Variants in TMEM217B observed in about 807,000 individuals in gnomAD.
TMEM217B encodes transmembrane protein 217B.
the TMEM217B span, among the ~76,000 whole-genome samples, chr6:37,226,813 G>T: frequency 2.0e-5 from 3 of 151,948 alleles, no homozygotes; most frequent in Admixed American, 6.6e-5. Flanking sequence ...TGATCCATCT[G>T]CCTTGGCCTC....
the TMEM217B span, among the ~76,000 whole-genome samples, chr6:37,234,163 G>C: frequency 2.3e-4 from 34 of 149,230 alleles, no homozygotes; most frequent in East Asian, 6.7e-3. Context: ...GCAGTGGTGT[G>C]ATCTTGGCTC....
chr6:37,248,938 T>C, the TMEM217B span, among the ~76,000 whole-genome samples: 1 of 152,226 alleles, frequency 6.6e-6, no homozygotes. Context: ...AGAGAATCCT[T>C]TCCTGACCCT....
At chr6:37,250,880 G>A in the TMEM217B span, among the ~76,000 whole-genome samples, 2 of 152,238 alleles carry the variant, frequency 1.3e-5, no homozygotes, top group African/African-American at 2.4e-5. Flanking sequence ...GCTATGGAGT[G>A]TTTGTGTCCT....
At chr6:37,216,071 TTTTATTTA>T in the TMEM217B span, among the ~76,000 whole-genome samples, 1 of 151,886 alleles carries the variant, frequency 6.6e-6, no homozygotes, top group East Asian at 1.9e-4. Flanking sequence ...CAGATTTGAA[TTTTATTTA>T]TTTATTTATT....
chr6:37,252,054 C>T, the TMEM217B span, among the ~76,000 whole-genome samples: 1 of 152,114 alleles, frequency 6.6e-6, no homozygotes. Context: ...CCACCATGCC[C>T]AGCTAATTTT....
the TMEM217B span, among the ~76,000 whole-genome samples, chr6:37,219,704 C>A: frequency 6.6e-6 from 1 of 152,106 alleles, no homozygotes; most frequent in African/African-American, 2.4e-5. Context: ...TGCACTCCAT[C>A]CTGGGTGACA....
chr6:37,251,418 T>C, the TMEM217B span, among the ~76,000 whole-genome samples: 1 of 139,980 alleles, frequency 7.1e-6, no homozygotes, highest in Non-Finnish European at 1.6e-5. Flanking sequence ...GTATAAAGAA[T>C]GTTGAATGAG....
the TMEM217B span, chr6:37,257,901 T>G: frequency 6.2e-7 from 1 of 1,612,996 alleles, no homozygotes; most frequent in South Asian, 1.1e-5. Context: ...CTACAAGGAC[T>G]TCCCCCGGCC....
the TMEM217B span, among the ~76,000 whole-genome samples, chr6:37,224,490 C>G: frequency 6.6e-6 from 1 of 151,474 alleles, no homozygotes; most frequent in Non-Finnish European, 1.5e-5. Flanking sequence ...CCCAGCTACT[C>G]GGGAGGCTGA....
chr6:37,238,443 A>T, the TMEM217B span, among the ~76,000 whole-genome samples: 1 of 152,146 alleles, frequency 6.6e-6, no homozygotes, highest in Non-Finnish European at 1.5e-5. Flanking sequence ...TTGCTACCAG[A>T]AGTCTGCTTT....
the TMEM217B span, chr6:37,218,931 G>A: frequency 6.2e-7 from 1 of 1,614,176 alleles, no homozygotes. Flanking sequence ...AGGTGCTTCT[G>A]TTCAAAGATG....
the TMEM217B span, among the ~76,000 whole-genome samples, chr6:37,231,734 A>G: frequency 6.8e-6 from 1 of 147,288 alleles, no homozygotes; most frequent in Non-Finnish European, 1.5e-5. Context: ...TCTTTTATAT[A>G]TATATTATAT....
chr6:37,213,836 C>G, the TMEM217B span, among the ~76,000 whole-genome samples: 1 of 152,250 alleles, frequency 6.6e-6, no homozygotes, highest in Non-Finnish European at 1.5e-5. Flanking sequence ...CAGAGGACTC[C>G]TGAGCAAACC....
chr6:37,244,867 G>T, the TMEM217B span, among the ~76,000 whole-genome samples: 1 of 152,186 alleles, frequency 6.6e-6, no homozygotes, highest in Admixed American at 6.5e-5. Context: ...TTTTGGCTCA[G>T]CTAATTCATA....
chr6:37,216,761 G>A, the TMEM217B span, among the ~76,000 whole-genome samples: 64 of 152,132 alleles, frequency 4.2e-4, no homozygotes, highest in Non-Finnish European at 6.3e-4. Flanking sequence ...TTTAGGAGGT[G>A]ATTGAATCAT....
the TMEM217B span, among the ~76,000 whole-genome samples, chr6:37,252,749 C>T: frequency 6.6e-6 from 1 of 150,864 alleles, no homozygotes; most frequent in Non-Finnish European, 1.5e-5. Flanking sequence ...AAGTGATCCT[C>T]CCACCTCAGC....
the TMEM217B span, among the ~76,000 whole-genome samples, chr6:37,232,481 GTTCACGCCA>G: frequency 1.3e-5 from 2 of 152,156 alleles, no homozygotes; most frequent in Admixed American, 1.3e-4. Context: ...TGCCTCCGGG[GTTCACGCCA>G]TTCTCCTGCC....
the TMEM217B span, chr6:37,218,307 T>C: frequency 2.6e-6 from 3 of 1,173,650 alleles, no homozygotes; most frequent in Non-Finnish European, 3.5e-6. Context: ...TGGCTGGGAT[T>C]ACAGGTGTGT....
chr6:37,248,285 T>C, the TMEM217B span, among the ~76,000 whole-genome samples: 13 of 152,244 alleles, frequency 8.5e-5, no homozygotes, highest in Middle Eastern at 3.2e-3. Flanking sequence ...TAATATAGTT[T>C]AGTGCCAGGA....
Sources: allele counts gnomAD v4.1 joint callset (sites outside exome capture counted in the v4.1 genomes callset), GRCh38; gene constraint gnomAD v4.1.1; transcripts MANE v1.5; gene names NCBI Gene and HGNC (gene_info 2026-07-23, HGNC 2026-07-21).